LIMK1: variants seen among roughly 807,000 people sequenced by gnomAD.
LIMK1 encodes LIM domain kinase 1, also known as LIM motif-containing protein kinase.
LIMK1 carries 21 observed loss-of-function variants against 77.6 expected under a neutral mutation model. The observed-to-expected ratio is 0.27, with a 90% CI of 0.19 to 0.39. The LOEUF is 0.39. Ranked by LOEUF, LIMK1 falls within the 10% of genes least tolerant of loss-of-function variation. The probability of loss-of-function intolerance (pLI) is 1.00; values close to 1 mark genes in which losing one functional copy is unlikely to be tolerated. For missense variants in LIMK1, 696 were observed against 901.6 expected (o/e 0.77, Z 2.92); for synonymous variants, 358 against 370.0 (o/e 0.97, Z 0.37).
chr7:74,096,268 G>A (rs1393932137), intron 2 of LIMK1, among the ~76,000 whole-genome samples: 2 of 151,380 alleles, frequency 1.3e-5, no homozygotes, highest in African/African-American at 2.4e-5. Context: ...TTGGGAGGCC[G>A]AGGTGGGCGG....
At chr7:74,115,747 C>G (rs1584131186) in intron 12 of LIMK1, 55 bp from the exon 13 acceptor site, 1 of 1,584,218 alleles carries the variant, frequency 6.3e-7, no homozygotes. Flanking sequence ...GAGGGGCAGG[C>G]CAAGCGGGCA....
chr7:74,108,778 G>A, intron 9 of LIMK1, 127 bp from the exon 10 acceptor site: 1 of 1,434,008 alleles, frequency 7.0e-7, no homozygotes, highest in Non-Finnish European at 9.2e-7. Context: ...AGGCAGGAGA[G>A]GGGAGCTGGG....
chr7:74,105,893 G>A lies in LIMK1; in HGVS notation c.627G>A (p.Met209Ile), dbSNP rs182322108. Reference protein sequence around the residue: ...VRVQGVDPGCMSPDVKNSIHV... With the variant: ...VRVQGVDPGCISPDVKNSIHV... ...CCCACAGAGTGGATCCGGGCTGCAT[G>A]AGCCCAGATGTGAAGAATTCCATCC... Residue 209 changes from methionine to isoleucine, a missense_variant, in exon 6 of 16, where the codon ATG (methionine) becomes ATA (isoleucine). Coordinates refer to ENST00000336180, the MANE Select transcript of LIMK1 (RefSeq NM_002314.4). 4.3e-6 allele frequency: 7 copies of A among 1,613,704 alleles called. No homozygotes were observed. Among genetic ancestry groups the A allele is most frequent in the Non-Finnish European group, 5.9e-6 (7 of 1,179,850 alleles).
rs781979735 is a variant in LIMK1, at chr7:74,120,653, G to A, written c.1623+15G>A. On this transcript the variant is annotated intron_variant, in intron 14 of 15. Transcript: ENST00000336180. Reference sequence around the variant, plus strand: ...TCCTGTGCGAGGTAGGTCCAGGGTTGGGTAGCAGCGGTGTTGAGGCCTGGG... The same window carrying A: ...TCCTGTGCGAGGTAGGTCCAGGGTTAGGTAGCAGCGGTGTTGAGGCCTGGG... The A allele has an allele frequency of 6.2e-7, 1 of 1,614,040 alleles. No individual in the cohort carries two copies. The highest frequency in any genetic ancestry group is 8.5e-7 in the Non-Finnish European group (1 of 1,179,878).
At chr7:74,100,477 C>T (rs1208517042) in intron 5 of LIMK1, among the ~76,000 whole-genome samples, 6 of 152,090 alleles carry the variant, frequency 3.9e-5, no homozygotes, top group Non-Finnish European at 7.3e-5. Context: ...GTCTGGGGTG[C>T]AGTGGTGTGA....
intron 8 of LIMK1, among the ~76,000 whole-genome samples, chr7:74,107,610 T>C (rs190949566): frequency 1.3e-3 from 188 of 150,248 alleles, no homozygotes; most frequent in Non-Finnish European, 2.0e-3. Context: ...GAGCCAGGAG[T>C]TCAAGGCTGC....
chr7:74,099,330 T>C lies in LIMK1; in HGVS notation c.608+92T>C, dbSNP rs1799408520. ...TGGCACTGGGGGCCCTGAAAATGAATGGGCGAGTGTTTGGGTACAGATGGG... is the reference window on the plus strand; with the variant it reads ...TGGCACTGGGGGCCCTGAAAATGAACGGGCGAGTGTTTGGGTACAGATGGG... On this transcript the variant is annotated intron_variant, in intron 5 of 15. Transcript: ENST00000336180. 8 of 1,261,688 alleles carry C rather than the reference T, an allele frequency of 6.3e-6. No homozygotes were observed. In the South Asian group the frequency reaches 8.7e-5, roughly 14 times the overall value. 78.2% of individuals were successfully genotyped at this position (1,261,688 alleles called of 1,614,324 possible).
rs141680755 is a variant in LIMK1 at position 74,086,485 on chromosome 7, G to A, written c.152+641G>A. On this transcript the variant is annotated intron_variant, in intron 2 of 15. Transcript: ENST00000336180. Reference sequence around the variant, plus strand: ...AGTGATCCTCCTACTTCAGCCTCCCGAGTAGCTGGGATTATAGGTATACAC... The same window carrying A: ...AGTGATCCTCCTACTTCAGCCTCCCAAGTAGCTGGGATTATAGGTATACAC... Among the ~76,000 whole-genome samples the A allele has an allele frequency of 4.6e-5, 7 of 152,120 alleles. No individual in the cohort carries two copies. The East Asian group carries it at 9.6e-4, about 21-fold the overall frequency.
intron 2 of LIMK1, chr7:74,093,018 C>G: frequency 2.2e-6 from 2 of 921,190 alleles, no homozygotes; most frequent in Non-Finnish European, 3.1e-6. Context: ...CGCTCGCTCC[C>G]CACCCGCACC....
chr7:74,118,220 C>CA (rs1456058639), intron 13 of LIMK1, among the ~76,000 whole-genome samples: 1 of 150,900 alleles, frequency 6.6e-6, no homozygotes, highest in Non-Finnish European at 1.5e-5. Flanking sequence ...ACTAAAAATA[C>CA]AAAAAAATTA....
chr7:74,099,047 C>T lies in LIMK1; in HGVS notation c.417C>T (p.Tyr139=). Residue 139 remains tyrosine, a synonymous_variant, in exon 5 of 16, where the codon TAC becomes TAT. Coordinates refer to ENST00000336180, the MANE Select transcript of LIMK1 (RefSeq NM_002314.4). The part of the protein sequence containing the change: ...HSKLYCGHCY[Y]QTVVTPVIEQ... ...GCTCTTGCAGCGGGCACTGCTACTA[C>T]CAGACTGTGGTGACCCCCGTCATCG... 1 of 1,611,948 alleles carries T rather than the reference C, an allele frequency of 6.2e-7. No homozygotes were observed.
chr7:74,098,715 G>T (rs178405), intron 4 of LIMK1, among the ~76,000 whole-genome samples: 108,385 of 151,530 alleles, frequency 0.72, 39,974 homozygotes, highest in Middle Eastern at 0.88. Flanking sequence ...ATGGTGGTGC[G>T]TGCCCGTAAT....
intron 14 of LIMK1, 115 bp downstream of exon 14, chr7:74,120,753 G>T (rs1799917871): frequency 1.3e-6 from 2 of 1,518,786 alleles, no homozygotes; most frequent in Non-Finnish European, 9.1e-7. Context: ...CCACAGCAAG[G>T]CATGGGCTGG....
intron 2 of LIMK1, among the ~76,000 whole-genome samples, chr7:74,089,166 G>A (rs1384376371): frequency 3.3e-5 from 5 of 152,238 alleles, no homozygotes; most frequent in Admixed American, 3.3e-4. Context: ...GCTGAAGGTT[G>A]TAACATCTAG....
rs931587645 is a variant in LIMK1 at position 74,092,555 on chromosome 7, C to T, written c.153-4067C>T. 2.6e-5 allele frequency among the ~76,000 whole-genome samples: 4 copies of T among 152,216 alleles called. No individual in the cohort carries two copies. In the South Asian group the frequency reaches 8.3e-4, roughly 31 times the overall value. On this transcript the variant is annotated intron_variant, in intron 2 of 15. Coordinates refer to ENST00000336180, the MANE Select transcript of LIMK1 (RefSeq NM_002314.4). ...TCCCAGCCCCTTGCAGGCCCTGCCT[C>T]CCGGAAGGTTATGACCAGGCTTGGA...
Position 74,121,452 on chromosome 7 carries a change from C to T in LIMK1, c.*151C>T, listed in dbSNP as rs983414096. 1.4e-5 allele frequency: 11 copies of T among 761,216 alleles called. No individual in the cohort carries two copies. The highest frequency in any genetic ancestry group is 1.1e-4 in the African/African-American group (6 of 56,762). 47.2% of individuals were successfully genotyped at this position (761,216 alleles called of 1,614,324 possible). A position where few individuals can be genotyped will look rare whatever the true frequency, so the allele number is the denominator to read the frequency against. On this transcript the variant is annotated 3_prime_UTR_variant, in exon 16 of 16. Coordinates refer to ENST00000336180, the MANE Select transcript of LIMK1 (RefSeq NM_002314.4). Reference sequence around the variant, plus strand: ...ACTTGCCTTCTCCCACCCCGTGGACCGCTTCCCCTGCCTTCTCTCTGCCGT... The same window carrying T: ...ACTTGCCTTCTCCCACCCCGTGGACTGCTTCCCCTGCCTTCTCTCTGCCGT...
At chr7:74,085,693 C>A in intron 1 of LIMK1, 55 bp from the exon 2 acceptor site, 2 of 1,425,084 alleles carry the variant, frequency 1.4e-6, no homozygotes, top group Non-Finnish European at 1.9e-6. Context: ...CAAGCTGGGC[C>A]TGCACCAGAT....
intron 13 of LIMK1, among the ~76,000 whole-genome samples, chr7:74,118,413 CACACACACACACAG>C (rs1239239510): frequency 6.0e-5 from 9 of 148,838 alleles, no homozygotes; most frequent in South Asian, 2.1e-4. Flanking sequence ...CACACACACA[CACACACACACACAG>C]AGTTAACATA....
Position 74,084,036 on chromosome 7 carries a change from G to A in LIMK1, c.46G>A (p.Gly16Arg). Residue 16 changes from glycine to arginine, a missense_variant, in exon 1 of 16, where the codon GGA becomes AGA. Around this residue, in one of 3 missense-constraint regions of LIMK1, gnomAD observed 252 missense variants for 279.4 expected, o/e 0.90. Coordinates refer to ENST00000336180, the MANE Select transcript of LIMK1 (RefSeq NM_002314.4). ...TTGCACCTGGAGGGAAGAACGTATGGGAGAGGAAGGTGCGCGGGCCGCGGG... is the reference window on the plus strand; with the variant it reads ...TTGCACCTGGAGGGAAGAACGTATGAGAGAGGAAGGTGCGCGGGCCGCGGG... ...LCCTWREERM[G>R]EEGSELPVCA... 1 of 1,497,050 alleles carries A rather than the reference G, an allele frequency of 6.7e-7. No homozygotes were observed. Among genetic ancestry groups the A allele is most frequent in the Non-Finnish European group, 8.9e-7 (1 of 1,117,574 alleles). The allele number at this position is 1,497,050 out of a possible 1,614,324, so 92.7% of individuals were successfully genotyped here.
Sources: gnomAD v4.1 joint callset for allele counts (sites outside exome capture counted in the v4.1 genomes callset) on GRCh38, gnomAD v4.1.1 for gene constraint, gnomAD v4.1.1 regional missense constraint, MANE v1.5 for transcripts, NCBI Gene and HGNC (gene_info 2026-07-23, HGNC 2026-07-21) for gene names.